Variants in LEKR1 observed in about 807,000 individuals in gnomAD.
LEKR1 encodes leucine, glutamate and lysine rich 1, also known as protein LEKR1.
In LEKR1, 59 loss-of-function variants were observed where a neutral mutation model predicts 72.4. That is an observed-to-expected ratio of 0.82 (90% CI 0.66 to 1.01). The LOEUF is 1.01. Ranked by LOEUF, LEKR1 falls within the 50% of genes least tolerant of loss-of-function variation. The pLI is 0.00. For missense variants in LEKR1, 728 were observed against 759.2 expected, an observed-to-expected ratio of 0.96 and a Z score of 0.48; for synonymous variants, 257 against 263.2, an observed-to-expected ratio of 0.98 and a Z score of 0.23.
chr3:156,925,677 A>C (rs528153549), intron 4 of LEKR1, among the ~76,000 whole-genome samples: 1 of 152,132 alleles, frequency 6.6e-6, no homozygotes, highest in East Asian at 1.9e-4. Flanking sequence ...GGTGAAAGCG[A>C]GATGAATGGG....
intron 6 of LEKR1, among the ~76,000 whole-genome samples, chr3:156,957,527 C>T (rs9844054): frequency 0.51 from 76,880 of 151,124 alleles, 21,202 homozygotes; most frequent in East Asian, 0.73. Flanking sequence ...ATTCTACCTC[C>T]TACAGTGAAA....
At chr3:156,944,643 G>A (rs777351516) in intron 6 of LEKR1, among the ~76,000 whole-genome samples, 2 of 151,436 alleles carry the variant, frequency 1.3e-5, no homozygotes, top group African/African-American at 2.4e-5. Flanking sequence ...TTAATTTTTT[G>A]TAGTTTCTAC....
intron 3 of LEKR1, among the ~76,000 whole-genome samples, chr3:156,855,905 C>T (rs772396264): frequency 6.6e-6 from 1 of 152,028 alleles, no homozygotes; most frequent in Admixed American, 6.6e-5. Context: ...ACTGGCTTTA[C>T]TTCTTTTATG....
chr3:156,963,997 G>A (rs1728343105), intron 6 of LEKR1, among the ~76,000 whole-genome samples: 1 of 152,150 alleles, frequency 6.6e-6, no homozygotes, highest in Admixed American at 6.6e-5. Flanking sequence ...GAGGAAAGTG[G>A]ATACCTGATG....
chr3:157,036,810 A>G (rs1734999824), intron 12 of LEKR1, among the ~76,000 whole-genome samples: 2 of 152,114 alleles, frequency 1.3e-5, no homozygotes, highest in South Asian at 2.1e-4. Context: ...TCCAAGAACA[A>G]AGAGAAGCTG....
At chr3:156,922,519 A>G (rs1320556474) in intron 4 of LEKR1, among the ~76,000 whole-genome samples, 1 of 151,872 alleles carries the variant, frequency 6.6e-6, no homozygotes, top group Non-Finnish European at 1.5e-5. Flanking sequence ...TCAGTGAACT[A>G]TGTTTTGGGG....
intron 1 of LEKR1, among the ~76,000 whole-genome samples, chr3:156,829,037 A>G (rs1367329212): frequency 6.6e-6 from 1 of 152,216 alleles, no homozygotes; most frequent in Admixed American, 6.5e-5. Flanking sequence ...ATTAGACTAT[A>G]AAGTTCTAAC....
chr3:156,930,879 C>T (rs1725166864), intron 5 of LEKR1, among the ~76,000 whole-genome samples: 1 of 152,134 alleles, frequency 6.6e-6, no homozygotes, highest in African/African-American at 2.4e-5. Flanking sequence ...TATACCTCAA[C>T]TTCTGCCTCA....
At chr3:156,877,997 G>A (rs1325204337) in intron 3 of LEKR1, among the ~76,000 whole-genome samples, 1 of 152,002 alleles carries the variant, frequency 6.6e-6, no homozygotes, top group Non-Finnish European at 1.5e-5. Context: ...TGGTCAGGCT[G>A]GTCTCGAACT....
At chr3:156,918,303 G>A (rs1283388375) in intron 3 of LEKR1, among the ~76,000 whole-genome samples, 2 of 152,050 alleles carry the variant, frequency 1.3e-5, no homozygotes, top group Non-Finnish European at 2.9e-5. Context: ...ATATATCTGG[G>A]GGCTAATCTT....
intron 3 of LEKR1, among the ~76,000 whole-genome samples, chr3:156,901,082 C>T (rs1043647561): frequency 2.6e-5 from 4 of 152,018 alleles, no homozygotes; most frequent in South Asian, 4.1e-4. Flanking sequence ...ACTGCAGCCT[C>T]GCCAACCCCA....
intron 2 of LEKR1, among the ~76,000 whole-genome samples, chr3:156,843,349 A>G (rs763244398): frequency 7.2e-5 from 11 of 152,156 alleles, no homozygotes; most frequent in Non-Finnish European, 8.8e-5. Flanking sequence ...GCAACAAACT[A>G]GTGGAAAAAT....
intron 9 of LEKR1, among the ~76,000 whole-genome samples, chr3:156,993,756 C>T (rs1053879085): frequency 3.3e-5 from 5 of 152,100 alleles, no homozygotes; most frequent in South Asian, 4.1e-4. Context: ...TAGGTGGTAT[C>T]GAGGATACTA....
chr3:157,018,782 C>T (rs1264235499), intron 10 of LEKR1, among the ~76,000 whole-genome samples: 2 of 152,118 alleles, frequency 1.3e-5, no homozygotes, highest in Non-Finnish European at 2.9e-5. Context: ...TTCTATTATT[C>T]TATGTTATTC....
At chr3:156,969,327 C>A (rs1728931962) in intron 6 of LEKR1, among the ~76,000 whole-genome samples, 1 of 152,102 alleles carries the variant, frequency 6.6e-6, no homozygotes, top group East Asian at 1.9e-4. Flanking sequence ...ATCAATGAAT[C>A]CAGGAGCTGG....
At chr3:156,979,850 A>C (rs1175853283) in intron 7 of LEKR1, 1 of 152,196 alleles carries the variant, frequency 6.6e-6, no homozygotes, top group East Asian at 1.9e-4. Context: ...TTGTCTCCAC[A>C]AAAAAATACA....
At chr3:156,870,203 C>A (rs550639980) in intron 3 of LEKR1, among the ~76,000 whole-genome samples, 1 of 151,742 alleles carries the variant, frequency 6.6e-6, no homozygotes, top group Non-Finnish European at 1.5e-5. Context: ...CTTGGTTCCA[C>A]GCAAATTTTA....
chr3:156,866,145 C>T (rs886796427), intron 3 of LEKR1, among the ~76,000 whole-genome samples: 4 of 152,120 alleles, frequency 2.6e-5, no homozygotes, highest in African/African-American at 7.2e-5. Context: ...ATATGAAAAA[C>T]GTATGCTTGC....
At chr3:156,899,956 A>G (rs774484559) in intron 3 of LEKR1, among the ~76,000 whole-genome samples, 5 of 152,068 alleles carry the variant, frequency 3.3e-5, no homozygotes, top group Non-Finnish European at 5.9e-5. Context: ...TTTGCAGAGA[A>G]AAATATTTGG....
Sources: gnomAD v4.1 joint callset for allele counts (sites outside exome capture counted in the v4.1 genomes callset) on GRCh38, gnomAD v4.1.1 for gene constraint, MANE v1.5 for transcripts, NCBI Gene and HGNC (gene_info 2026-07-23, HGNC 2026-07-21) for gene names.